The following ME3 variants were observed in gnomAD, a reference collection of about 807,000 sequenced individuals.
ME3 encodes the protein malic enzyme 3.
Under a neutral mutation model 68.9 loss-of-function variants are expected in ME3, and 48 were observed. The ratio of observed to expected loss-of-function variants is 0.70; its 90% CI spans 0.55 to 0.89. The LOEUF is 0.89. Ranked by LOEUF, ME3 falls within the 40% of genes least tolerant of loss-of-function variation. The probability of loss-of-function intolerance (pLI) is 0.00; values close to 1 mark genes in which losing one functional copy is unlikely to be tolerated. For missense variants in ME3, 675 were observed against 797.4 expected (o/e 0.85, Z 1.85); for synonymous variants, 320 against 318.8 (o/e 1.00, Z -0.04).
intron 2 of ME3, chr11:86,671,557 A>G (rs1177812359): frequency 3.4e-6 from 2 of 591,202 alleles, no homozygotes; most frequent in African/African-American, 4.0e-5. Flanking sequence ...GGCTCCCTGC[A>G]TTACTGGTCG....
chr11:86,560,748 G>GTGTATGTGTGTA lies in ME3; in HGVS notation c.184-926_184-925insTACACACATACA, dbSNP rs1243025217. On this transcript the variant is annotated intron_variant, in intron 2 of 14. Transcript: ENST00000543262. Reference sequence around the variant, plus strand: ...TGTATGTGTGTGTGTGTGTGTGTGTGTATATATATATATATATATATATAT... The same window carrying GTGTATGTGTGTA: ...TGTATGTGTGTGTGTGTGTGTGTGTGTGTATGTGTGTATATATATATATATATATATATATAT... Among the ~76,000 whole-genome samples, 139 of 62,528 alleles carry GTGTATGTGTGTA rather than the reference G, an allele frequency of 2.2e-3. 1 individual carries two copies. The highest frequency in any genetic ancestry group is 7.3e-3 in the African/African-American group (124 of 16,914). 41.0% of individuals were successfully genotyped at this position (62,528 alleles called of 152,430 possible).
At chr11:86,538,848 G>A (rs1955859652) in intron 4 of ME3, among the ~76,000 whole-genome samples, 1 of 152,118 alleles carries the variant, frequency 6.6e-6, no homozygotes. Context: ...CCCTACCCTG[G>A]CCAGTGGAGC....
In ME3 at chr11:86,521,410, AAAC is replaced by A. The variant is rs1171028492; in HGVS notation, c.468-12546_468-12544del. On this transcript the variant is annotated intron_variant, in intron 4 of 14. Coordinates refer to ENST00000543262, the Ensembl canonical transcript of ME3. ...ACTCCATCTCAAAAACAAACAAACA[AAAC>A]AAAACAAAACAAAACAAAAATAATA... 7.0e-5 allele frequency among the ~76,000 whole-genome samples: 7 copies of A among 100,602 alleles called. No homozygotes were observed. In the South Asian group the frequency reaches 9.2e-4, roughly 13 times the overall value. 66.0% of individuals were successfully genotyped at this position (100,602 alleles called of 152,430 possible).
intron 8 of ME3, among the ~76,000 whole-genome samples, chr11:86,462,143 G>A (rs928694520): frequency 6.6e-6 from 1 of 152,200 alleles, no homozygotes; most frequent in Non-Finnish European, 1.5e-5. Flanking sequence ...TGTGAGCACA[G>A]TCAATCCTTG....
At chr11:86,659,876 A>G (rs1230574275) in intron 2 of ME3, among the ~76,000 whole-genome samples, 1 of 152,176 alleles carries the variant, frequency 6.6e-6, no homozygotes, top group Admixed American at 6.5e-5. Flanking sequence ...GGACCAATCA[A>G]TCGATAGATA....
chr11:86,602,318 A>C (rs923662066), intron 2 of ME3, among the ~76,000 whole-genome samples: 2 of 119,372 alleles, frequency 1.7e-5, no homozygotes, highest in Admixed American at 2.2e-4. Flanking sequence ...TAACAGACAA[A>C]CAGAGAGCCA....
chr11:86,452,878 C>T (rs1187428106), intron 8 of ME3, among the ~76,000 whole-genome samples: 2 of 152,168 alleles, frequency 1.3e-5, no homozygotes, highest in African/African-American at 4.8e-5. Flanking sequence ...CCAGAGATGA[C>T]TAAAATGTCT....
At chr11:86,533,826 A>C (rs1955440705) in intron 4 of ME3, among the ~76,000 whole-genome samples, 2 of 152,200 alleles carry the variant, frequency 1.3e-5, no homozygotes, top group African/African-American at 4.8e-5. Flanking sequence ...AAGTGCACTT[A>C]CACAAACCTA....
At chr11:86,482,337 C>T (rs1594127793) in intron 7 of ME3, among the ~76,000 whole-genome samples, 1 of 152,104 alleles carries the variant, frequency 6.6e-6, no homozygotes, top group African/African-American at 2.4e-5. Flanking sequence ...GTGTATTGCT[C>T]ACTATGCCTG....
In ME3 at chr11:86,599,237, G is replaced by A. The variant is rs183926479; in HGVS notation, c.184-39414C>T. 1.4e-3 allele frequency among the ~76,000 whole-genome samples: 217 copies of A among 152,242 alleles called. 1 individual carries two copies. The highest frequency in any genetic ancestry group is 6.9e-3 in the East Asian group (36 of 5,184). On this transcript the variant is annotated intron_variant, in intron 2 of 14. Coordinates refer to ENST00000543262, the Ensembl canonical transcript of ME3. ...AGACGAATGTATAACTAGAATAACC[G>A]ATACAGAGAAGTGCTTAAAGGAGCT... is the stretch of plus-strand genomic sequence containing the variant.
chr11:86,652,351 C>G (rs541898306), intron 2 of ME3, among the ~76,000 whole-genome samples: 3 of 152,150 alleles, frequency 2.0e-5, no homozygotes, highest in Non-Finnish European at 4.4e-5. Context: ...AGAAAAGGCT[C>G]GGGTTACCCA....
chr11:86,476,413 A>G (rs1417101145), intron 7 of ME3, among the ~76,000 whole-genome samples: 1 of 152,172 alleles, frequency 6.6e-6, no homozygotes, highest in Non-Finnish European at 1.5e-5. Flanking sequence ...CAAGGCTTCT[A>G]TATGTGGAGC....
chr11:86,611,836 T>C (rs538406562), intron 2 of ME3, among the ~76,000 whole-genome samples: 31 of 152,226 alleles, frequency 2.0e-4, no homozygotes, highest in Non-Finnish European at 4.1e-4. Context: ...CTGAAAAAGT[T>C]GCTGAGAGGA....
chr11:86,618,713 T>A (rs1184569982), intron 2 of ME3, among the ~76,000 whole-genome samples: 1 of 150,802 alleles, frequency 6.6e-6, no homozygotes, highest in East Asian at 1.9e-4. Context: ...TCTCATGAGA[T>A]CTGGTCTTTT....
intron 4 of ME3, among the ~76,000 whole-genome samples, chr11:86,525,581 G>A (rs1594293902): frequency 6.6e-6 from 1 of 152,102 alleles, no homozygotes; most frequent in South Asian, 2.1e-4. Flanking sequence ...AACACACAGA[G>A]GCCGGGTGCA....
At chr11:86,618,379 C>T (rs1943125208) in intron 2 of ME3, among the ~76,000 whole-genome samples, 1 of 141,822 alleles carries the variant, frequency 7.1e-6, no homozygotes, top group Non-Finnish European at 1.5e-5. Flanking sequence ...AGTTTTCTTA[C>T]TCCAAAAATT....
At chr11:86,547,833 C>G (rs1412602799) in intron 4 of ME3, among the ~76,000 whole-genome samples, 2 of 152,134 alleles carry the variant, frequency 1.3e-5, no homozygotes, top group East Asian at 3.9e-4. Flanking sequence ...TCTCCCCACA[C>G]CTATCCTTTT....
chr11:86,620,598 A>C (rs1314421820), intron 2 of ME3, among the ~76,000 whole-genome samples: 1 of 152,202 alleles, frequency 6.6e-6, no homozygotes, highest in African/African-American at 2.4e-5. Context: ...CTATATGGTC[A>C]CAGAGAAAAT....
At position 86,487,549 on chromosome 11, in the gene ME3, G is replaced by T. The variant is rs372324328; in HGVS notation, c.706-109C>A. The T allele has an allele frequency of 9.6e-5, 82 of 850,676 alleles. 2 individuals carry two copies. Among genetic ancestry groups the T allele is most frequent in the South Asian group, 4.4e-4 (28 of 63,018 alleles). 52.7% of individuals were successfully genotyped at this position (850,676 alleles called of 1,614,324 possible). A position where few individuals can be genotyped will look rare whatever the true frequency, so the allele number is the denominator to read the frequency against. ...GAAGAACCAGAAGGTGGGAGGAGAG[G>T]GGGGAGTAAGAAGGTAACTGGATCC... is the stretch of plus-strand genomic sequence containing the variant. On this transcript the variant is annotated intron_variant, in intron 6 of 14. Coordinates refer to ENST00000543262, the Ensembl canonical transcript of ME3.
Sources: gnomAD v4.1 joint callset for allele counts (sites outside exome capture counted in the v4.1 genomes callset) on GRCh38, gnomAD v4.1.1 for gene constraint, MANE v1.5 for transcripts, NCBI Gene and HGNC (gene_info 2026-07-23, HGNC 2026-07-21) for gene names.